ZNF273: variants seen among roughly 807,000 people sequenced by gnomAD.
ZNF273 encodes zinc finger protein 9.
ZNF273 carries 11 observed loss-of-function variants against 14.9 expected under a neutral mutation model. The ratio of observed to expected loss-of-function variants is 0.74; its 90% CI spans 0.46 to 1.22. The LOEUF (loss-of-function observed/expected upper bound fraction) is 1.22, where lower values mean the gene tolerates loss of function less well. ZNF273 is among the 50% of genes most tolerant of loss of function. ZNF273 has a pLI of 0.00. For missense variants in ZNF273, 577 were observed against 660.6 expected, an observed-to-expected ratio of 0.87 and a Z score of 1.39; for synonymous variants, 199 against 223.9, an observed-to-expected ratio of 0.89 and a Z score of 0.99.
At chr7:64,881,204 A>C (rs1477272141), downstream of ZNF273, among the ~76,000 whole-genome samples, 4 of 152,192 alleles carry the variant, frequency 2.6e-5, no homozygotes, top group Admixed American at 6.5e-5. Flanking sequence ...CGATTTCCGC[A>C]GTCATTCCGG....
At chr7:64,927,222 AGCTGGGATTACAG>A (rs1481542080) in intron 3 of ZNF273, among the ~76,000 whole-genome samples, 5 of 152,094 alleles carry the variant, frequency 3.3e-5, no homozygotes, top group African/African-American at 9.7e-5. Context: ...CCTCCTGAGT[AGCTGGGATTACAG>A]GCATGTGCCA....
At chr7:64,909,096 TG>T (rs1793305399) in intron 1 of ZNF273, among the ~76,000 whole-genome samples, 2 of 152,214 alleles carry the variant, frequency 1.3e-5, no homozygotes, top group Non-Finnish European at 2.9e-5. Context: ...TTGTATTTTT[TG>T]TACGTACGGG....
intron 3 of ZNF273, among the ~76,000 whole-genome samples, chr7:64,895,845 G>A (rs1183592245): frequency 6.6e-6 from 1 of 152,082 alleles, no homozygotes; most frequent in Non-Finnish European, 1.5e-5. Flanking sequence ...CAACTGGAAG[G>A]CATTTTTATA....
At chr7:64,911,945 C>T (rs564048186) in intron 1 of ZNF273, among the ~76,000 whole-genome samples, 2 of 152,170 alleles carry the variant, frequency 1.3e-5, no homozygotes, top group Admixed American at 1.3e-4. Flanking sequence ...TCATTTGTTT[C>T]AAAAAACTTC....
At position 64,928,904 on chromosome 7, in the gene ZNF273, T is replaced by A; in HGVS notation, c.1576T>A (p.Ser526Thr). Residue 526 changes from serine (S) to threonine (T), a missense_variant, in exon 4 of 4, where the codon TCC (serine) becomes ACC (threonine). Around this residue, in one of 3 missense-constraint regions of ZNF273, gnomAD observed 411 missense variants for 440.4 expected, o/e 0.93. Transcript: ENST00000476120. ...CEECGKAFNR[S>T]SNLTRHKKIH... Reference sequence around the variant, plus strand: ...AGAATGTGGCAAAGCTTTTAACCGGTCCTCAAACCTTACTCGACATAAGAA... The same window carrying A: ...AGAATGTGGCAAAGCTTTTAACCGGACCTCAAACCTTACTCGACATAAGAA... 6.2e-7 allele frequency: 1 copy of A among 1,614,040 alleles called. No homozygotes were observed. Among genetic ancestry groups the A allele is most frequent in the Non-Finnish European group, 8.5e-7 (1 of 1,179,964 alleles).
intron 3 of ZNF273, among the ~76,000 whole-genome samples, chr7:64,919,047 A>T (rs1051419414): frequency 6.6e-6 from 1 of 152,072 alleles, no homozygotes; most frequent in Non-Finnish European, 1.5e-5. Context: ...TGTACATTTA[A>T]TCCTGTTTTT....
downstream of ZNF273, among the ~76,000 whole-genome samples, chr7:64,934,160 G>T (rs1795042535): frequency 6.6e-6 from 1 of 152,048 alleles, no homozygotes; most frequent in East Asian, 1.9e-4. Context: ...CTCCCATAGT[G>T]CTGGAACTAC....
At position 64,927,910 on chromosome 7, in the gene ZNF273, T is replaced by C; in HGVS notation, c.582T>C (p.Asn194=). 6.2e-7 allele frequency: 1 copy of C among 1,613,334 alleles called. No individual in the cohort carries two copies. Among genetic ancestry groups the C allele is most frequent in the Non-Finnish European group, 8.5e-7 (1 of 1,179,746 alleles). ...VKVLHKFSNS[N]IHKKRQTGKK... The stretch of plus-strand genomic sequence containing the variant: ...TCCTTCATAAATTCTCAAATTCAAA[T>C]ATACATAAGAAAAGACAAACTGGAA... The change falls in exon 4 of 4, where the codon AAT becomes AAC. Residue 194 remains asparagine (N), a synonymous_variant. Coordinates refer to ENST00000476120, the MANE Select transcript of ZNF273 (RefSeq NM_021148.3).
intron 3 of ZNF273, chr7:64,923,347 A>AT (rs753072301): frequency 2.2e-6 from 1 of 454,452 alleles, no homozygotes; most frequent in South Asian, 1.6e-5. Context: ...GTGTTTTTTT[A>AT]TTTTTATTTT....
Position 64,878,005 on chromosome 7 carries a change from CGT to C in ZNF273, n.215+146_215+147del, listed in dbSNP as rs144331285. On this transcript the variant is annotated intron_variant and non_coding_transcript_variant, in intron 1 of 2. Transcript: ENST00000465954. ...GAGTGTTGCGAGTGTTGGATGTCTG[CGT>C]GTGTGTGTGTGTGTCGGTGTGGGTG... The C allele has an allele frequency of 4.9e-3, 736 of 150,574 alleles. 4 individuals carry two copies. The highest frequency in any genetic ancestry group is 0.01 in the Middle Eastern group (3 of 292). 9.3% of individuals were successfully genotyped at this position (150,574 alleles called of 1,614,324 possible).
intron 1 of ZNF273, among the ~76,000 whole-genome samples, chr7:64,885,671 G>T (rs1333139363): frequency 4.6e-5 from 7 of 152,170 alleles, no homozygotes; most frequent in Non-Finnish European, 2.9e-5. Flanking sequence ...GGCATAATAG[G>T]GGATCTGGGG....
chr7:64,922,733 G>A (rs1287434665), intron 3 of ZNF273, among the ~76,000 whole-genome samples: 3 of 152,076 alleles, frequency 2.0e-5, no homozygotes, highest in Non-Finnish European at 4.4e-5. Flanking sequence ...GGGATGCCGA[G>A]GCGAGTAGAT....
chr7:64,910,279 T>G (rs1793395621), intron 1 of ZNF273, among the ~76,000 whole-genome samples: 1 of 152,194 alleles, frequency 6.6e-6, no homozygotes, highest in African/African-American at 2.4e-5. Context: ...CTTTCCTAGG[T>G]TATCTTCCAG....
chr7:64,898,951 A>C (rs1792522782), upstream of ZNF273, among the ~76,000 whole-genome samples: 1 of 150,130 alleles, frequency 6.7e-6, no homozygotes, highest in African/African-American at 2.5e-5. Context: ...CTGAAAAATA[A>C]ATCTTTTGTT....
intron 1 of ZNF273, among the ~76,000 whole-genome samples, chr7:64,906,510 A>C (rs1793119708): frequency 6.6e-6 from 1 of 152,182 alleles, no homozygotes; most frequent in African/African-American, 2.4e-5. Context: ...TACTTTCAAA[A>C]ACCAAGTTAA....
downstream of ZNF273, among the ~76,000 whole-genome samples, chr7:64,932,034 T>G (rs1230427754): frequency 1.3e-5 from 2 of 152,282 alleles, no homozygotes; most frequent in Non-Finnish European, 2.9e-5. Context: ...GCTGTTGTCT[T>G]TATGCCATGT....
At chr7:64,893,698 T>TCCCCC (rs1792187408), downstream of ZNF273, 2 of 19,758 alleles carry the variant, frequency 1.0e-4, no homozygotes, top group African/African-American at 4.6e-4. Context: ...CCCCCTCCCC[T>TCCCCC]CCCCCTCCCC....
chr7:64,888,209 C>G (rs182931271), intron 1 of ZNF273: 2 of 739,650 alleles, frequency 2.7e-6, no homozygotes, highest in Non-Finnish European at 3.3e-6. Flanking sequence ...TGAAGCCTGG[C>G]TGCTGCTGCT....
chr7:64,903,907 T>C (rs1338769212), intron 1 of ZNF273, among the ~76,000 whole-genome samples: 1 of 152,206 alleles, frequency 6.6e-6, no homozygotes, highest in Non-Finnish European at 1.5e-5. Context: ...AAGACTTTTA[T>C]AAGGTGTGTG....
Sources: gnomAD v4.1 joint callset for allele counts (sites outside exome capture counted in the v4.1 genomes callset) on GRCh38, gnomAD v4.1.1 for gene constraint, gnomAD v4.1.1 regional missense constraint, MANE v1.5 for transcripts, NCBI Gene and HGNC (gene_info 2026-07-23, HGNC 2026-07-21) for gene names.